Variants in NLN observed in about 807,000 individuals in gnomAD.
NLN encodes the protein neurolysin, also known as neurolysin, mitochondrial.
Under a neutral mutation model 79.9 loss-of-function variants are expected in NLN, and 64 were observed. The ratio of observed to expected loss-of-function variants is 0.80; its 90% CI spans 0.65 to 0.99. The LOEUF is 0.99. Ranked by LOEUF, NLN falls within the 50% of genes least tolerant of loss-of-function variation. The pLI, the probability that NLN is intolerant of heterozygous loss-of-function variation, is 0.00. For synonymous variants in NLN, 267 were observed against 296.6 expected, an observed-to-expected ratio of 0.90 and a Z score of 1.02; for missense variants, 835 against 858.7, an observed-to-expected ratio of 0.97 and a Z score of 0.34.
chr5:65,819,037 A>G (rs1428003736), intron 12 of NLN: 1 of 152,246 alleles, frequency 6.6e-6, no homozygotes, highest in Non-Finnish European at 1.5e-5. Flanking sequence ...TTATTGAGCA[A>G]AATGAGTGCC....
chr5:65,794,575 A>T (rs1351440047), intron 9 of NLN, among the ~76,000 whole-genome samples: 1 of 152,062 alleles, frequency 6.6e-6, no homozygotes, highest in Non-Finnish European at 1.5e-5. Context: ...ACTGCTCTCC[A>T]GCCTGGGTGA....
At chr5:65,734,541 G>A (rs1354556586) in intron 1 of NLN, among the ~76,000 whole-genome samples, 4 of 100,520 alleles carry the variant, frequency 4.0e-5, no homozygotes, top group Admixed American at 9.3e-5. Flanking sequence ...AACCTGAATG[G>A]AAAAAAAAAA....
intron 1 of NLN, among the ~76,000 whole-genome samples, chr5:65,753,276 T>A (rs1339810712): frequency 1.3e-5 from 2 of 152,316 alleles, no homozygotes; most frequent in African/African-American, 4.8e-5. Flanking sequence ...CACTCAGCCT[T>A]CCAGTAAATG....
chr5:65,814,074 A>T (rs1403564728), intron 12 of NLN, among the ~76,000 whole-genome samples: 1 of 151,868 alleles, frequency 6.6e-6, no homozygotes, highest in Non-Finnish European at 1.5e-5. Context: ...CTTGGAAAAA[A>T]AACTTGCTAC....
At position 65,792,485 on chromosome 5, in the gene NLN, G is replaced by A. The variant is rs758153412; in HGVS notation, c.1357G>A (p.Gly453Ser). Residue 453 changes from glycine to serine, a missense_variant, in exon 9 of 13, where the codon GGT becomes AGT. Physicochemically the swap from Gly to Ser is moderately conservative, Grantham distance 56. Coordinates refer to ENST00000380985, the MANE Select transcript of NLN (RefSeq NM_020726.5). Reference protein sequence around the residue: ...EGKYNHAACFGLQPGCLLPDG... With the variant: ...EGKYNHAACFSLQPGCLLPDG... ...AAAATACAATCATGCGGCCTGCTTC[G>A]GTCTCCAGCCTGGCTGCCTTCTGCC... 5.2e-5 allele frequency: 84 copies of A among 1,613,880 alleles called. 1 individual carries two copies. Among genetic ancestry groups the A allele is most frequent in the South Asian group, 3.5e-4 (32 of 91,074 alleles).
At chr5:65,767,733 C>T (rs772177103) in intron 3 of NLN, among the ~76,000 whole-genome samples, 63 of 152,314 alleles carry the variant, frequency 4.1e-4, no homozygotes, top group African/African-American at 1.2e-3. Context: ...ACATAAGTCC[C>T]GATTTCAAAC....
In NLN at chr5:65,774,945, G is replaced by A. The variant is rs529099448; in HGVS notation, c.451-2482G>A. 6.1e-4 allele frequency among the ~76,000 whole-genome samples: 93 copies of A among 151,792 alleles called. 2 individuals are homozygous for A. The South Asian group carries it at 0.012, about 19-fold the overall frequency. On this transcript the variant is annotated intron_variant, in intron 3 of 12. Coordinates refer to ENST00000380985, the MANE Select transcript of NLN (RefSeq NM_020726.5). Reference sequence around the variant, plus strand: ...TTGCTATGTTGGCCATGCTGGTCTCGAACCCCTCACCTCAAGTAATCCGTC... The same window carrying A: ...TTGCTATGTTGGCCATGCTGGTCTCAAACCCCTCACCTCAAGTAATCCGTC...
At chr5:65,742,836 T>C (rs1758901237) in intron 1 of NLN, among the ~76,000 whole-genome samples, 1 of 152,196 alleles carries the variant, frequency 6.6e-6, no homozygotes, top group African/African-American at 2.4e-5. Context: ...CATAATTACT[T>C]TTCTTCAACA....
At chr5:65,821,055 AAAAG>A (rs1760785247) in intron 12 of NLN, among the ~76,000 whole-genome samples, 1 of 151,720 alleles carries the variant, frequency 6.6e-6, no homozygotes, top group African/African-American at 2.4e-5. Flanking sequence ...AAAAAAAAAA[AAAAG>A]AAAAGAGAGA....
intron 1 of NLN, among the ~76,000 whole-genome samples, chr5:65,729,621 G>A (rs2591940): frequency 0.24 from 35,980 of 151,960 alleles, 4,384 homozygotes; most frequent in African/African-American, 0.27. Context: ...TGATTCACCC[G>A]CGTCGGCCTC....
intron 7 of NLN, among the ~76,000 whole-genome samples, chr5:65,786,562 A>T (rs576384367): frequency 6.6e-6 from 1 of 152,338 alleles, no homozygotes; most frequent in Non-Finnish European, 1.5e-5. Context: ...AAGGAGTAAA[A>T]CAAGGTCCTT....
At chr5:65,821,945 A>C (rs1285777947) in intron 12 of NLN, among the ~76,000 whole-genome samples, 1 of 152,226 alleles carries the variant, frequency 6.6e-6, no homozygotes, top group African/African-American at 2.4e-5. Context: ...TCTTGTACTA[A>C]GTCCTTTTGA....
At chr5:65,749,265 A>C (rs1257036373) in intron 1 of NLN, among the ~76,000 whole-genome samples, 1 of 152,238 alleles carries the variant, frequency 6.6e-6, no homozygotes, top group Non-Finnish European at 1.5e-5. Flanking sequence ...AATGGCAAAG[A>C]GTTTAGTTGA....
At chr5:65,728,132 C>G (rs1758519290) in intron 1 of NLN, among the ~76,000 whole-genome samples, 1 of 152,056 alleles carries the variant, frequency 6.6e-6, no homozygotes, top group Non-Finnish European at 1.5e-5. Context: ...GAAAACTTAG[C>G]AAGTAATGAC....
chr5:65,792,061 A>T (rs758073575), intron 8 of NLN, among the ~76,000 whole-genome samples: 1 of 152,236 alleles, frequency 6.6e-6, no homozygotes, highest in Non-Finnish European at 1.5e-5. Flanking sequence ...TTTTAATGAA[A>T]AGGCTGCCTA....
intron 1 of NLN, among the ~76,000 whole-genome samples, chr5:65,758,311 T>C (rs1036877953): frequency 6.6e-6 from 1 of 152,180 alleles, no homozygotes; most frequent in Admixed American, 6.6e-5. Flanking sequence ...TGACTTTATT[T>C]ATCTATATGA....
intron 6 of NLN, among the ~76,000 whole-genome samples, chr5:65,784,995 G>C (rs1391501281): frequency 6.6e-6 from 1 of 152,144 alleles, no homozygotes. Flanking sequence ...TGTAGCATGT[G>C]TCAGAATTTC....
intron 9 of NLN, among the ~76,000 whole-genome samples, chr5:65,798,814 G>A (rs1310831768): frequency 1.3e-5 from 2 of 152,086 alleles, no homozygotes; most frequent in Non-Finnish European, 2.9e-5. Context: ...CATTTGCTTA[G>A]TGCATTTTCT....
intron 8 of NLN, among the ~76,000 whole-genome samples, chr5:65,791,722 CAAA>C (rs112029749): frequency 8.4e-6 from 1 of 119,678 alleles, no homozygotes; most frequent in Non-Finnish European, 1.8e-5. Flanking sequence ...GACTCTGTCT[CAAA>C]AAAAAAAAAA....
Sources: allele counts gnomAD v4.1 joint callset (sites outside exome capture counted in the v4.1 genomes callset), GRCh38; gene constraint gnomAD v4.1.1; transcripts MANE v1.5; gene names NCBI Gene and HGNC (gene_info 2026-07-23, HGNC 2026-07-21).